MSRA: variants seen among roughly 807,000 people sequenced by gnomAD.
MSRA encodes mitochondrial peptide methionine sulfoxide reductase.
MSRA carries 54 observed loss-of-function variants against 31.3 expected under a neutral mutation model. The ratio of observed to expected loss-of-function variants is 1.73; its 90% CI spans 1.39 to 2.17. The LOEUF (loss-of-function observed/expected upper bound fraction) is 2.17. Among genes scored for constraint, MSRA ranks in the 30% most tolerant of loss-of-function variants. MSRA has a pLI of 0.00. For missense variants in MSRA, 507 were observed against 300.9 expected (o/e 1.69, Z -5.07); for synonymous variants, 169 against 116.5 (o/e 1.45, Z -2.90).
At chr8:10,330,277 C>T (rs909447890) in intron 5 of MSRA, among the ~76,000 whole-genome samples, 1 of 151,932 alleles carries the variant, frequency 6.6e-6, no homozygotes. Context: ...AGCTGAGCCC[C>T]TTCAGTTTTA....
At chr8:10,385,902 A>G (rs139760838) in intron 5 of MSRA, among the ~76,000 whole-genome samples, 87 of 152,234 alleles carry the variant, frequency 5.7e-4, no homozygotes, top group African/African-American at 1.9e-3. Flanking sequence ...GTGACCAAGA[A>G]TACGTCGTGA....
chr8:10,411,831 A>G (rs1189504879), intron 5 of MSRA, among the ~76,000 whole-genome samples: 1 of 152,262 alleles, frequency 6.6e-6, no homozygotes, highest in Non-Finnish European at 1.5e-5. Flanking sequence ...GTTCAGGAAG[A>G]TTCTGCCAGC....
intron 5 of MSRA, among the ~76,000 whole-genome samples, chr8:10,425,056 G>A (rs899472204): frequency 1.3e-5 from 2 of 152,178 alleles, no homozygotes; most frequent in East Asian, 1.9e-4. Context: ...GGACCAGGAA[G>A]ACACTAGATG....
intron 5 of MSRA, among the ~76,000 whole-genome samples, chr8:10,404,968 G>T (rs1290282344): frequency 6.6e-6 from 1 of 152,210 alleles, no homozygotes. Flanking sequence ...CGATGGCCGA[G>T]CTGCCTTAGG....
At chr8:10,419,760 G>T (rs1020641016) in intron 5 of MSRA, among the ~76,000 whole-genome samples, 1 of 152,192 alleles carries the variant, frequency 6.6e-6, no homozygotes, top group African/African-American at 2.4e-5. Flanking sequence ...GAGGGCAGGC[G>T]GGCAAGTCTA....
intron 1 of MSRA, among the ~76,000 whole-genome samples, chr8:10,193,039 A>C (rs1373808992): frequency 6.6e-6 from 1 of 152,204 alleles, no homozygotes; most frequent in Non-Finnish European, 1.5e-5. Context: ...AGTGACAGAA[A>C]ATAGAGATTA....
At chr8:10,373,998 C>T (rs530825048) in intron 5 of MSRA, among the ~76,000 whole-genome samples, 18 of 152,302 alleles carry the variant, frequency 1.2e-4, no homozygotes, top group African/African-American at 3.6e-4. Context: ...CTGCCATGCT[C>T]GCCCTCCCCA....
chr8:10,224,272 A>G (rs1177230129), intron 2 of MSRA, among the ~76,000 whole-genome samples: 4 of 152,184 alleles, frequency 2.6e-5, no homozygotes, highest in Non-Finnish European at 4.4e-5. Flanking sequence ...GTGAAGAACT[A>G]TGGAAATGAT....
At chr8:10,350,724 G>A (rs374712900) in intron 5 of MSRA, among the ~76,000 whole-genome samples, 5 of 152,160 alleles carry the variant, frequency 3.3e-5, no homozygotes, top group Non-Finnish European at 7.3e-5. Flanking sequence ...TGCCAAGGCC[G>A]GCAACCCTTG....
chr8:10,376,304 G>C (rs1405249414), intron 5 of MSRA, among the ~76,000 whole-genome samples: 1 of 152,160 alleles, frequency 6.6e-6, no homozygotes, highest in Admixed American at 6.5e-5. Flanking sequence ...ATGCAGCCAG[G>C]AACAGCAAAT....
At position 10,108,698 on chromosome 8, in the gene MSRA, G is replaced by C. The variant is rs1012438269; in HGVS notation, c.142+54040G>C. Among the ~76,000 whole-genome samples the C allele has an allele frequency of 1.3e-4, 20 of 152,204 alleles. 1 individual carries two copies. The highest frequency in any genetic ancestry group is 1.1e-3 in the Admixed American group (17 of 15,276). ...CCATTAGATTCTGTGCAGTCCTCAC[G>C]AGGGGGTGTGATGGATCTTTGCAGG... is the stretch of plus-strand genomic sequence containing the variant. On this transcript the variant is annotated intron_variant, in intron 1 of 5. Transcript: ENST00000317173.
intron 1 of MSRA, among the ~76,000 whole-genome samples, chr8:10,100,826 TA>T (rs1799486420): frequency 1.3e-5 from 2 of 152,204 alleles, no homozygotes; most frequent in Non-Finnish European, 2.9e-5. Context: ...TTTCTTCTCT[TA>T]CAGTTAAGAA....
At chr8:10,084,666 A>T (rs1015817443) in intron 1 of MSRA, among the ~76,000 whole-genome samples, 1 of 152,196 alleles carries the variant, frequency 6.6e-6, no homozygotes. Context: ...TGATACCCTG[A>T]TGAGAGGTAG....
intron 3 of MSRA, among the ~76,000 whole-genome samples, chr8:10,249,872 G>A (rs12544801): frequency 4.6e-5 from 7 of 152,018 alleles, no homozygotes; most frequent in Non-Finnish European, 1.0e-4. Flanking sequence ...AACCCAGAAC[G>A]TGGACTGGAA....
At chr8:10,427,394 A>T (rs1809244657) in intron 5 of MSRA, among the ~76,000 whole-genome samples, 1 of 152,038 alleles carries the variant, frequency 6.6e-6, no homozygotes, top group Non-Finnish European at 1.5e-5. Context: ...GCTTGTGTTG[A>T]TGCGTGTCTT....
intron 4 of MSRA, among the ~76,000 whole-genome samples, chr8:10,316,220 T>C (rs1442291576): frequency 6.8e-6 from 1 of 146,908 alleles, no homozygotes; most frequent in South Asian, 2.1e-4. Flanking sequence ...TACATCCCTA[T>C]ATTCCACCTT....
intron 2 of MSRA, among the ~76,000 whole-genome samples, chr8:10,219,900 T>C (rs4410909): frequency 0.27 from 40,801 of 150,640 alleles, 6,230 homozygotes; most frequent in East Asian, 0.43. Context: ...TGTTTTCCCC[T>C]GGTAGGCAAT....
intron 1 of MSRA, among the ~76,000 whole-genome samples, chr8:10,178,145 C>G (rs1046440498): frequency 6.6e-5 from 10 of 152,134 alleles, no homozygotes; most frequent in African/African-American, 1.9e-4. Flanking sequence ...AAGAGGCTGC[C>G]TAATTATCCA....
chr8:10,319,912 CAG>C lies in MSRA; in HGVS notation c.467_468del (p.Gln156LeufsTer78). On this transcript the variant is annotated frameshift_variant, in exon 5 of 6. Transcript: ENST00000317173. LOFTEE classifies it high-confidence loss of function. ...GCGCCAGGGGAACGACCATGGCACT[CAG>C]TACCGCTCGGCCATCTACCCGACCT... ...GMRQGNDHGT[Q>X]YRSAIYPTSA... 6.3e-7 allele frequency: 1 copy of C among 1,592,328 alleles called. No individual in the cohort carries two copies. The highest frequency in any genetic ancestry group is 8.5e-7 in the Non-Finnish European group (1 of 1,169,824).
Sources: gnomAD v4.1 joint callset for allele counts (sites outside exome capture counted in the v4.1 genomes callset) on GRCh38, gnomAD v4.1.1 for gene constraint, MANE v1.5 for transcripts, NCBI Gene and HGNC (gene_info 2026-07-23, HGNC 2026-07-21) for gene names.